The following TRIM66 variants were observed in gnomAD, a reference collection of about 807,000 sequenced individuals.
TRIM66 encodes the protein tripartite motif-containing protein 66.
Under a neutral mutation model 148.2 loss-of-function variants are expected in TRIM66, and 99 were observed. The ratio of observed to expected loss-of-function variants is 0.67; its 90% CI spans 0.57 to 0.79. TRIM66 has a LOEUF of 0.79. Among genes scored for constraint, TRIM66 ranks in the 30% least tolerant of loss-of-function variants. TRIM66 has a pLI of 0.00. For missense variants in TRIM66, 1,666 were observed against 1,697.9 expected, an observed-to-expected ratio of 0.98 and a Z score of 0.33; for synonymous variants, 616 against 635.9, an observed-to-expected ratio of 0.97 and a Z score of 0.47.
chr11:8,632,245 T>A (rs1276435127), intron 15 of TRIM66, among the ~76,000 whole-genome samples: 1 of 151,714 alleles, frequency 6.6e-6, no homozygotes, highest in Non-Finnish European at 1.5e-5. Flanking sequence ...GAGGCAGAGG[T>A]TGCAGTGAGC....
chr11:8,629,913 C>A (rs77827863), intron 15 of TRIM66, among the ~76,000 whole-genome samples: 5,265 of 152,270 alleles, frequency 0.035, 117 homozygotes, highest in East Asian at 0.084. Flanking sequence ...TGTGAGAAAG[C>A]CAGCCCAACC....
In TRIM66 at chr11:8,624,479, G is replaced by A; in HGVS notation, c.2899C>T (p.Pro967Ser). The A allele has an allele frequency of 6.4e-7, 1 of 1,551,612 alleles. No individual in the cohort carries two copies. Among genetic ancestry groups the A allele is most frequent in the African/African-American group, 1.4e-5 (1 of 73,166 alleles). The change falls in exon 17 of 25, where the codon CCC becomes TCC. Residue 967 changes from proline to serine, a missense_variant. Pro to Ser is a moderately conservative substitution (Grantham distance 74, BLOSUM62 -1). This residue lies in a region of TRIM66 where 1,431 missense variants were observed against 1,412.4 expected (regional missense o/e 1.01). Coordinates refer to ENST00000646038, the MANE Select transcript of TRIM66 (RefSeq NM_001388022.1). ...TCTGAGGGGATGGCCAAGTCCTTGG[G>A]AGCATCCAGACCGGGGACTATGGGA... ...QGPIVPGLDAPKDLAIPSELE... is the reference protein window; with the variant it reads ...QGPIVPGLDASKDLAIPSELE...
At position 8,640,345 on chromosome 11, in the gene TRIM66, A is replaced by G; in HGVS notation, c.2030T>C (p.Leu677Pro). 6.4e-7 allele frequency: 1 copy of G among 1,551,744 alleles called. No homozygotes were observed. The highest frequency in any genetic ancestry group is 1.2e-5 in the South Asian group (1 of 84,050). The change falls in exon 14 of 25, where the codon CTG (leucine) becomes CCG (proline). Residue 677 changes from leucine (L) to proline (P), a missense_variant. Physicochemically the swap from Leu to Pro is moderately conservative, Grantham distance 98. Around this residue, in one of 3 missense-constraint regions of TRIM66, gnomAD observed 1,431 missense variants for 1,412.4 expected, o/e 1.01. Coordinates refer to ENST00000646038, the MANE Select transcript of TRIM66 (RefSeq NM_001388022.1). Reference protein sequence around the residue: ...ELLLQAQQPSLQLSQTKSPQH... With the variant: ...ELLLQAQQPSPQLSQTKSPQH... ...AGGAGATTTGGTCTGACTCAGTTGC[A>G]GGCTGGGCTGTTGAGCCTGGAGAAG... is the stretch of plus-strand genomic sequence containing the variant.
chr11:8,648,015 T>G lies in TRIM66; in HGVS notation c.797A>C (p.His266Pro), dbSNP rs1039040068. ...AGATGTCTGTAGACTGGATTTCTTATGTGCCACCTGTGTAGTCACACCTTC... is the reference window on the plus strand; with the variant it reads ...AGATGTCTGTAGACTGGATTTCTTAGGTGCCACCTGTGTAGTCACACCTTC... ...LLEGVTTQVAHKKSSLQTSAK... is the reference protein window; with the variant it reads ...LLEGVTTQVAPKKSSLQTSAK... Residue 266 changes from histidine (H) to proline (P), a missense_variant, in exon 10 of 25, where the codon CAT (histidine) becomes CCT (proline). By Grantham distance (77) the His-to-Pro change is moderately conservative. This residue lies in a region of TRIM66 where 1,431 missense variants were observed against 1,412.4 expected (regional missense o/e 1.01). Coordinates refer to ENST00000646038, the MANE Select transcript of TRIM66 (RefSeq NM_001388022.1). 162 of 1,551,706 alleles carry G rather than the reference T, an allele frequency of 1.0e-4. No individual in the cohort carries two copies. The highest frequency in any genetic ancestry group is 1.4e-4 in the Non-Finnish European group (158 of 1,147,032).
Position 8,616,108 on chromosome 11 carries a change from T to C in TRIM66, c.*1836A>G, listed in dbSNP as rs1273269703. 1 of 152,212 alleles carries C rather than the reference T, an allele frequency of 6.6e-6. No individual in the cohort carries two copies. The highest frequency in any genetic ancestry group is 1.5e-5 in the Non-Finnish European group (1 of 68,046). 9.4% of individuals were successfully genotyped at this position (152,212 alleles called of 1,614,324 possible). ...AAGGGCAGAAGCCTAAGTCCAAAGA[T>C]TGCCGGACTAGTAAAGCATTCAAGA... On this transcript the variant is annotated 3_prime_UTR_variant, in exon 25 of 25. Transcript: ENST00000646038.
At chr11:8,646,917 G>A (rs557752865) in intron 10 of TRIM66, among the ~76,000 whole-genome samples, 26 of 120,872 alleles carry the variant, frequency 2.2e-4, no homozygotes, top group Non-Finnish European at 4.0e-4. Flanking sequence ...GTCGCCATGA[G>A]GTAAAAAGAG....
Position 8,647,963 on chromosome 11 carries a change from G to A in TRIM66, c.842+7C>T, listed in dbSNP as rs78482760. The A allele has an allele frequency of 3.3e-3, 5,067 of 1,549,228 alleles. 133 individuals are homozygous for A. In the African/African-American group the frequency reaches 0.058, roughly 18 times the overall value. On this transcript the variant is annotated splice_region_variant and intron_variant, in intron 10 of 24. Transcript: ENST00000646038. ...TCCAGCACTGGCAAGGCACTAGCCT[G>A]TGCTACCTGTCCTCAATTTGCTTTG...
chr11:8,640,486 G>C lies in TRIM66; in HGVS notation c.1889C>G (p.Ser630Cys). ...PQQPHPPLPPSQHLASSQHES... is the reference protein window; with the variant it reads ...PQQPHPPLPPCQHLASSQHES... Reference sequence around the variant, plus strand: ...GTGCTGACTAGAAGCCAGATGCTGGGATGGAGGAAGAGGTGGGTGTGGCTG... The same window carrying C: ...GTGCTGACTAGAAGCCAGATGCTGGCATGGAGGAAGAGGTGGGTGTGGCTG... The change falls in exon 14 of 25, where the codon TCC becomes TGC. Residue 630 changes from serine (S) to cysteine (C), a missense_variant. By Grantham distance (112) the Ser-to-Cys change is moderately radical (BLOSUM62 -1). Transcript: ENST00000646038. 1 of 1,543,998 alleles carries C rather than the reference G, an allele frequency of 6.5e-7. No homozygotes were observed. Among genetic ancestry groups the C allele is most frequent in the Non-Finnish European group, 8.7e-7 (1 of 1,143,582 alleles).
intron 4 of TRIM66, among the ~76,000 whole-genome samples, chr11:8,672,879 C>T (rs1432390785): frequency 6.6e-6 from 1 of 151,610 alleles, no homozygotes; most frequent in Non-Finnish European, 1.5e-5. Flanking sequence ...GATCTGCCTG[C>T]CTTGGCCTCC....
intron 10 of TRIM66, among the ~76,000 whole-genome samples, chr11:8,647,187 T>C (rs1447717459): frequency 6.6e-6 from 1 of 151,990 alleles, no homozygotes; most frequent in Non-Finnish European, 1.5e-5. Flanking sequence ...ACAGTAATTA[T>C]GTACAGTTGC....
At chr11:8,682,697 G>A (rs2039502568), upstream of TRIM66, 4 of 1,238,372 alleles carry the variant, frequency 3.2e-6, no homozygotes, top group Non-Finnish European at 3.6e-6. Context: ...GCGAGACCAG[G>A]AGGCCCCGCC....
At chr11:8,646,029 C>A in intron 11 of TRIM66, 142 bp from the exon 12 acceptor site, 1 of 772,276 alleles carries the variant, frequency 1.3e-6, no homozygotes, top group South Asian at 2.0e-5. Context: ...CAGAGTGTTG[C>A]CATGGGATGC....
intron 18 of TRIM66, among the ~76,000 whole-genome samples, chr11:8,622,365 C>CACACACACACACACATATAT: frequency 8.4e-5 from 5 of 59,612 alleles, no homozygotes; most frequent in South Asian, 5.4e-4. Flanking sequence ...CACACACACA[C>CACACACACACACACATATAT]ATATATATAT....
intron 12 of TRIM66, chr11:8,644,417 T>G (rs1049744541): frequency 8.8e-6 from 4 of 454,456 alleles, no homozygotes; most frequent in Non-Finnish European, 1.8e-5. Flanking sequence ...TTTAACCCTC[T>G]TATTATCACC....
chr11:8,637,404 T>C (rs946255277), intron 15 of TRIM66, among the ~76,000 whole-genome samples: 1 of 151,838 alleles, frequency 6.6e-6, no homozygotes, highest in Non-Finnish European at 1.5e-5. Context: ...CTGGCCCAAA[T>C]ACAAGAAGTT....
chr11:8,640,873 TG>T lies in TRIM66; in HGVS notation c.1501del (p.Gln501SerfsTer51). 4 of 1,550,262 alleles carry T rather than the reference TG, an allele frequency of 2.6e-6. No homozygotes were observed. Among genetic ancestry groups the T allele is most frequent in the Non-Finnish European group, 3.5e-6 (4 of 1,146,916 alleles). ...AGAGCACTGCAGAGACCCCAGCTGC[TG>T]GGGCACCATCTCAGGGGGCTGCCTG... is the stretch of plus-strand genomic sequence containing the variant. Reference protein sequence around the residue: ...SFRQPPEMVPQQLGSLQCSAL... With the variant: ...SFRQPPEMVPXQLGSLQCSAL... On this transcript the variant is annotated frameshift_variant, in exon 14 of 25. Coordinates refer to ENST00000646038, the MANE Select transcript of TRIM66 (RefSeq NM_001388022.1). LOFTEE classifies it high-confidence loss of function.
In TRIM66 at chr11:8,624,870, TG is replaced by T; in HGVS notation, c.2668del (p.Gln890ArgfsTer71). ...ACAAGTTGCCAGACTCGGCACAGCC[TG>T]GGTGTGACCAGACATTAGGCTGGGC... is the stretch of plus-strand genomic sequence containing the variant. ...AGPSLMSGHT[Q>X]AVPSLATCPL... On this transcript the variant is annotated frameshift_variant, in exon 16 of 25. Coordinates refer to ENST00000646038, the MANE Select transcript of TRIM66 (RefSeq NM_001388022.1). LOFTEE classifies it high-confidence loss of function. The T allele has an allele frequency of 6.4e-7, 1 of 1,551,724 alleles. No homozygotes were observed. The highest frequency in any genetic ancestry group is 8.7e-7 in the Non-Finnish European group (1 of 1,146,988).
chr11:8,638,559 G>T, intron 15 of TRIM66, 95 bp downstream of exon 15: 2 of 1,386,288 alleles, frequency 1.4e-6, no homozygotes, highest in East Asian at 2.5e-5. Context: ...GAACAGGGAC[G>T]CTCCTCCCCC....
At chr11:8,636,632 G>A (rs1180470021) in intron 15 of TRIM66, among the ~76,000 whole-genome samples, 3 of 151,934 alleles carry the variant, frequency 2.0e-5, no homozygotes, top group African/African-American at 7.3e-5. Flanking sequence ...TAGACACTGA[G>A]GCCAAAACTC....
Sources: allele counts gnomAD v4.1 joint callset (sites outside exome capture counted in the v4.1 genomes callset), GRCh38; gene constraint gnomAD v4.1.1; regional missense constraint gnomAD v4.1.1; transcripts MANE v1.5; gene names NCBI Gene and HGNC (gene_info 2026-07-23, HGNC 2026-07-21).